IL16: variants seen among roughly 807,000 people sequenced by gnomAD.
IL16 encodes the protein interleukin 16.
Under a neutral mutation model 110.1 loss-of-function variants are expected in IL16, and 67 were observed. The observed-to-expected ratio is 0.61, with a 90% CI of 0.50 to 0.75. The LOEUF (loss-of-function observed/expected upper bound fraction) is 0.75. Among genes scored for constraint, IL16 ranks in the 30% least tolerant of loss-of-function variants. The probability of loss-of-function intolerance (pLI) is 0.00; values close to 1 mark genes in which losing one functional copy is unlikely to be tolerated. For missense variants in IL16, 1,545 were observed against 1,655.0 expected (o/e 0.93, Z 1.15); for synonymous variants, 689 against 662.9 (o/e 1.04, Z -0.61).
At chr15:81,216,397 G>A (rs1896432572) in intron 1 of IL16, among the ~76,000 whole-genome samples, 1 of 152,178 alleles carries the variant, frequency 6.6e-6, no homozygotes, top group Non-Finnish European at 1.5e-5. Context: ...TAGCCTAATA[G>A]CGTTTGGGTA....
In IL16 at chr15:81,225,646, G is replaced by C. The variant is rs562794729; in HGVS notation, c.247G>C (p.Ala83Pro). ...SVPDLALASE[A>P]AQLQAAGNDR... The stretch of plus-strand genomic sequence containing the variant: ...TCCTGATCTAGCACTGGCCTCGGAG[G>C]CTGCTCAACTCCAAGCAGCTGGGAA... Residue 83 changes from alanine to proline, a missense_variant, in exon 2 of 19, where the codon GCT becomes CCT. By Grantham distance (27) the Ala-to-Pro change is conservative. This residue lies in a region of IL16 where 1,185 missense variants were observed against 1,238.8 expected (regional missense o/e 0.96). Transcript: ENST00000683961. The C allele has an allele frequency of 1.2e-6, 2 of 1,614,082 alleles. No homozygotes were observed. Among genetic ancestry groups the C allele is most frequent in the African/African-American group, 2.7e-5 (2 of 75,026 alleles).
At chr15:81,187,016 T>C (rs999662795) in intron 1 of IL16, among the ~76,000 whole-genome samples, 2 of 152,276 alleles carry the variant, frequency 1.3e-5, no homozygotes, top group African/African-American at 4.8e-5. Context: ...AAAGAGTACC[T>C]GAGGGCCCAA....
Position 81,300,248 on chromosome 15 carries a change from C to T in IL16, c.2922C>T (p.Ser974=), listed in dbSNP as rs749654293. ...ARSFPLTRSQ[S]CETKLLDEKT... ...GCTTCCCCCTGACCAGGTCCCAGTC[C>T]TGTGAGACGAAGCTACTTGACGAAA... is the stretch of plus-strand genomic sequence containing the variant. The change falls in exon 14 of 19, where the codon TCC becomes TCT. Residue 974 remains serine, a synonymous_variant. Coordinates refer to ENST00000683961, the MANE Select transcript of IL16 (RefSeq NM_172217.5). The T allele has an allele frequency of 1.2e-6, 2 of 1,614,248 alleles. No individual in the cohort carries two copies. The highest frequency in any genetic ancestry group is 2.2e-5 in the South Asian group (2 of 91,088).
intron 2 of IL16, among the ~76,000 whole-genome samples, chr15:81,258,756 G>GGT (rs1898043250): frequency 6.8e-6 from 1 of 147,250 alleles, no homozygotes; most frequent in African/African-American, 2.6e-5. Flanking sequence ...TCTGTCACTC[G>GGT]CTCTCTCTCT....
chr15:81,253,687 G>A (rs1363410476), intron 2 of IL16, among the ~76,000 whole-genome samples: 2 of 152,136 alleles, frequency 1.3e-5, no homozygotes, highest in Non-Finnish European at 2.9e-5. Context: ...TGAATATCTG[G>A]TTGTCCCAGC....
At chr15:81,209,996 G>A (rs1488252292) in intron 1 of IL16, among the ~76,000 whole-genome samples, 1 of 152,202 alleles carries the variant, frequency 6.6e-6, no homozygotes, top group African/African-American at 2.4e-5. Context: ...TTTATAGTTT[G>A]AGATCTTATA....
Position 81,278,867 on chromosome 15 carries a change from C to T in IL16, c.841C>T (p.Gln281Ter). The T allele has an allele frequency of 6.2e-7, 1 of 1,612,920 alleles. No homozygotes were observed. Among genetic ancestry groups the T allele is most frequent in the Non-Finnish European group, 8.5e-7 (1 of 1,178,868 alleles). The change falls in exon 7 of 19, where the codon CAG becomes TAG. Residue 281 changes from glutamine to a stop codon, truncating the protein, a stop_gained. Transcript: ENST00000683961. LOFTEE classifies it high-confidence loss of function. Reference sequence around the variant, plus strand: ...TGAATCAATGGCTGGACTAACACATCAGGATGCTTTGCAGAAGTTCAAGGT... The same window carrying T: ...TGAATCAATGGCTGGACTAACACATTAGGATGCTTTGCAGAAGTTCAAGGT... ...NGESMAGLTH[Q>*]DALQKFKQAK...
At chr15:81,192,063 T>G (rs1895506124), upstream of IL16, among the ~76,000 whole-genome samples, 1 of 152,194 alleles carries the variant, frequency 6.6e-6, no homozygotes, top group Admixed American at 6.5e-5. Context: ...CGCTATGCAC[T>G]TGTCAGAACC....
chr15:81,202,528 A>T, intron 1 of IL16, among the ~76,000 whole-genome samples: 1 of 132,572 alleles, frequency 7.5e-6, no homozygotes, highest in Admixed American at 9.0e-5. Flanking sequence ...TCCTGTGTCC[A>T]TGTGTTCTCA....
intron 2 of IL16, among the ~76,000 whole-genome samples, chr15:81,249,475 A>C (rs114442675): frequency 0.027 from 4,041 of 152,162 alleles, 161 homozygotes; most frequent in African/African-American, 0.092. Context: ...GCTGGTATAC[A>C]ATTCTATGTT....
At chr15:81,193,130 G>A (rs764161425), upstream of IL16, among the ~76,000 whole-genome samples, 49 of 152,160 alleles carry the variant, frequency 3.2e-4, no homozygotes, top group Non-Finnish European at 5.9e-4. Context: ...CCTGCGAGAT[G>A]AACCCAGGAA....
chr15:81,258,760 T>TGTCG (rs1222359024), intron 2 of IL16, among the ~76,000 whole-genome samples: 6 of 145,648 alleles, frequency 4.1e-5, no homozygotes, highest in African/African-American at 1.6e-4. Context: ...TCACTCGCTC[T>TGTCG]CTCTCTCTCT....
intron 3 of IL16, among the ~76,000 whole-genome samples, chr15:81,261,481 C>A (rs1041150137): frequency 3.9e-5 from 6 of 152,224 alleles, no homozygotes; most frequent in Admixed American, 1.3e-4. Flanking sequence ...TCTGCTCCCC[C>A]ACCTTGGTGC....
Position 81,262,669 on chromosome 15 carries a change from C to T in IL16, c.421+2789C>T, listed in dbSNP as rs1255890413. On this transcript the variant is annotated intron_variant, in intron 3 of 18. Coordinates refer to ENST00000683961, the MANE Select transcript of IL16 (RefSeq NM_172217.5). Reference sequence around the variant, plus strand: ...GCTTAAGGCCGGGCGCAGTGGCTCACGCCTGTAATCCCAGCACTTTGGGAG... The same window carrying T: ...GCTTAAGGCCGGGCGCAGTGGCTCATGCCTGTAATCCCAGCACTTTGGGAG... Among the ~76,000 whole-genome samples the T allele has an allele frequency of 3.3e-5, 5 of 152,218 alleles. No individual in the cohort carries two copies. In the East Asian group the frequency reaches 7.7e-4, roughly 23 times the overall value.
At position 81,299,904 on chromosome 15, in the gene IL16, C is replaced by A; in HGVS notation, c.2578C>A (p.Gln860Lys). 6.2e-7 allele frequency: 1 copy of A among 1,613,564 alleles called. No individual in the cohort carries two copies. The highest frequency in any genetic ancestry group is 8.5e-7 in the Non-Finnish European group (1 of 1,180,014). ...GSSQLPDKGA[Q>K]RLSLQPSSGE... Reference sequence around the variant, plus strand: ...CTCTCAACTGCCTGACAAAGGAGCCCAGAGACTGAGCCTCCAGCCCTCCTC... The same window carrying A: ...CTCTCAACTGCCTGACAAAGGAGCCAAGAGACTGAGCCTCCAGCCCTCCTC... Residue 860 changes from glutamine (Q) to lysine (K), a missense_variant, in exon 14 of 19, where the codon CAG becomes AAG. Gln to Lys is a moderately conservative substitution (Grantham distance 53). This residue lies in a region of IL16 where 1,185 missense variants were observed against 1,238.8 expected (regional missense o/e 0.96). Transcript: ENST00000683961.
At chr15:81,188,544 C>T (rs1895449792) in intron 1 of IL16, 1 of 428,698 alleles carries the variant, frequency 2.3e-6, no homozygotes, top group East Asian at 7.0e-5. Context: ...CAGCAGCAGC[C>T]CAGGGGATAG....
chr15:81,269,128 G>A (rs778789663), intron 4 of IL16, among the ~76,000 whole-genome samples: 3 of 152,366 alleles, frequency 2.0e-5, no homozygotes, highest in Non-Finnish European at 4.4e-5. Flanking sequence ...CTCCTGCCTG[G>A]CACAAGGGGA....
chr15:81,285,697 G>A lies in IL16; in HGVS notation c.1200-1G>A. Reference sequence around the variant, plus strand: ...ATGGCTTCTTATTGATGCTTGCACAGGTGTGGGGACGAGATTGTGGAAATC... The same window carrying A: ...ATGGCTTCTTATTGATGCTTGCACAAGTGTGGGGACGAGATTGTGGAAATC... On this transcript the variant is annotated splice_acceptor_variant, in intron 9 of 18. Transcript: ENST00000683961. LOFTEE classifies it high-confidence loss of function. 4.3e-6 allele frequency: 7 copies of A among 1,614,078 alleles called. No homozygotes were observed. Among genetic ancestry groups the A allele is most frequent in the Non-Finnish European group, 5.9e-6 (7 of 1,179,974 alleles).
At chr15:81,226,897 C>T (rs964975170) in intron 2 of IL16, among the ~76,000 whole-genome samples, 7 of 152,144 alleles carry the variant, frequency 4.6e-5, no homozygotes, top group Admixed American at 2.0e-4. Context: ...TCTAGATTAG[C>T]GCTCACCTAA....
Sources: allele counts gnomAD v4.1 joint callset (sites outside exome capture counted in the v4.1 genomes callset), GRCh38; gene constraint gnomAD v4.1.1; regional missense constraint gnomAD v4.1.1; transcripts MANE v1.5; gene names NCBI Gene and HGNC (gene_info 2026-07-23, HGNC 2026-07-21).